LAMB1: variants seen among roughly 807,000 people sequenced by gnomAD.
LAMB1 encodes laminin subunit beta 1, also known as laminin subunit beta-1.
Under a neutral mutation model 222.3 loss-of-function variants are expected in LAMB1, and 121 were observed. That is an observed-to-expected ratio of 0.54 (90% CI 0.47 to 0.63). The LOEUF is 0.63. LAMB1 is among the 30% of genes least tolerant of loss of function. LAMB1 has a pLI of 0.00. For synonymous variants in LAMB1, 794 were observed against 807.2 expected (o/e 0.98, Z 0.28); for missense variants, 2,172 against 2,240.8 (o/e 0.97, Z 0.62).
chr7:107,945,686 T>G (rs1027571471), intron 24 of LAMB1, among the ~76,000 whole-genome samples: 1 of 152,218 alleles, frequency 6.6e-6, no homozygotes, highest in African/African-American at 2.4e-5. Flanking sequence ...TCCCTTAACC[T>G]CTCTGAGTCT....
At chr7:107,948,090 G>A (rs1378659159) in intron 24 of LAMB1, among the ~76,000 whole-genome samples, 3 of 149,776 alleles carry the variant, frequency 2.0e-5, no homozygotes, top group African/African-American at 7.4e-5. Flanking sequence ...GGGTTCAAGC[G>A]ATTCTCATGC....
rs1338812540 is a variant in LAMB1 at position 108,002,433 on chromosome 7, C to T, written c.37+416G>A. ...GAGATGGTTAATTAAAGCCACATGG[C>T]CCCCATCTGTTCCCAGAATGAAGCC... On this transcript the variant is annotated intron_variant, in intron 2 of 33. Coordinates refer to ENST00000222399, the MANE Select transcript of LAMB1 (RefSeq NM_002291.3). 11 of 1,307,478 alleles carry T rather than the reference C, an allele frequency of 8.4e-6. No individual in the cohort carries two copies. The Admixed American group carries it at 2.8e-4, about 34-fold the overall frequency. 81.0% of individuals were successfully genotyped at this position (1,307,478 alleles called of 1,614,324 possible). A position where few individuals can be genotyped will look rare whatever the true frequency, so the allele number is the denominator to read the frequency against.
At chr7:107,997,042 A>G (rs1045484507) in intron 4 of LAMB1, among the ~76,000 whole-genome samples, 3 of 152,236 alleles carry the variant, frequency 2.0e-5, no homozygotes, top group East Asian at 1.9e-4. Context: ...TGATGACCCA[A>G]TGAAGTTTGT....
At chr7:107,929,384 G>GAT (rs1562973239) in intron 30 of LAMB1, 28 bp downstream of exon 30, 1 of 1,585,252 alleles carries the variant, frequency 6.3e-7, no homozygotes, top group African/African-American at 1.3e-5. Flanking sequence ...CACAAAATAA[G>GAT]CCCCTTAGAT....
Position 107,952,109 on chromosome 7 carries a change from C to T in LAMB1, c.3194G>A (p.Cys1065Tyr). The change falls in exon 23 of 34, where the codon TGT (cysteine) becomes TAT (tyrosine). Residue 1065 changes from cysteine (C) to tyrosine (Y), a missense_variant. Cys to Tyr is a radical substitution (Grantham distance 194). Coordinates refer to ENST00000222399, the MANE Select transcript of LAMB1 (RefSeq NM_002291.3). ...CCAGGTATTGGGCGCACAGCGGTCA[C>T]AGTTCTGCCCGATCACATTAGGAAG... The part of the protein sequence containing the change: ...LCLPNVIGQN[C>Y]DRCAPNTWQL... 1 of 1,614,086 alleles carries T rather than the reference C, an allele frequency of 6.2e-7. No individual in the cohort carries two copies. Among genetic ancestry groups the T allele is most frequent in the South Asian group, 1.1e-5 (1 of 91,026 alleles).
At position 107,977,633 on chromosome 7, in the gene LAMB1, C is replaced by CA. The variant is rs1220273315; in HGVS notation, c.1000+413dup. On this transcript the variant is annotated intron_variant, in intron 9 of 33. Coordinates refer to ENST00000222399, the MANE Select transcript of LAMB1 (RefSeq NM_002291.3). ...TGAAACCTCTCCTCTACTAAAATTA[C>CA]AAAAAAAATTAGCAGGGCATGGTGG... Among the ~76,000 whole-genome samples, 15 of 151,746 alleles carry CA rather than the reference C, an allele frequency of 9.9e-5. No individual in the cohort carries two copies. In the East Asian group the frequency reaches 2.1e-3, roughly 22 times the overall value.
chr7:107,987,098 G>A (rs770713215), intron 5 of LAMB1, among the ~76,000 whole-genome samples: 12 of 152,174 alleles, frequency 7.9e-5, no homozygotes, highest in Non-Finnish European at 1.8e-4. Context: ...ATATATACAT[G>A]CTGTGAAATA....
chr7:107,978,769 G>A (rs939944836), intron 8 of LAMB1, among the ~76,000 whole-genome samples: 3 of 151,902 alleles, frequency 2.0e-5, no homozygotes, highest in African/African-American at 4.8e-5. Context: ...ATAAGATCTC[G>A]TAAAAGAAAT....
rs1284140591 is a variant in LAMB1, at chr7:107,962,109, TCTTA to T, written c.1858-437_1858-434del. On this transcript the variant is annotated intron_variant, in intron 15 of 33. Coordinates refer to ENST00000222399, the MANE Select transcript of LAMB1 (RefSeq NM_002291.3). Reference sequence around the variant, plus strand: ...TCTTCTCTCTTCCACTCACACTATTTCTTACTTTTGTGCCAACTTTCCACAATTC... The same window carrying T: ...TCTTCTCTCTTCCACTCACACTATTTCTTTTGTGCCAACTTTCCACAATTC... Among the ~76,000 whole-genome samples, 6 of 152,326 alleles carry T rather than the reference TCTTA, an allele frequency of 3.9e-5. 1 individual carries two copies. The East Asian group carries it at 9.6e-4, about 24-fold the overall frequency.
At chr7:107,985,954 T>C in intron 7 of LAMB1, 68 bp downstream of exon 7, 1 of 1,263,360 alleles carries the variant, frequency 7.9e-7, no homozygotes, top group South Asian at 1.3e-5. Flanking sequence ...CGGAACTCTG[T>C]CTCAAAAAAC....
At chr7:107,924,681 T>A (rs1406642001) in intron 32 of LAMB1, among the ~76,000 whole-genome samples, 2 of 152,184 alleles carry the variant, frequency 1.3e-5, no homozygotes, top group Non-Finnish European at 2.9e-5. Flanking sequence ...TATTGCAAAT[T>A]ACATAGAGAA....
At chr7:107,965,298 G>A (rs192612165) in intron 13 of LAMB1, among the ~76,000 whole-genome samples, 34 of 152,302 alleles carry the variant, frequency 2.2e-4, no homozygotes, top group East Asian at 3.9e-4. Context: ...TAAGAAATGC[G>A]GCTGGGCACG....
intron 1 of LAMB1, 67 bp downstream of exon 1, chr7:108,003,044 G>T (rs183537453): frequency 3.1e-5 from 44 of 1,429,570 alleles, no homozygotes; most frequent in Middle Eastern, 2.5e-4. Flanking sequence ...ATTTCCTGTC[G>T]CTCCCACGGA....
chr7:107,946,571 G>T (rs2033119874), intron 24 of LAMB1, among the ~76,000 whole-genome samples: 1 of 152,252 alleles, frequency 6.6e-6, no homozygotes, highest in East Asian at 1.9e-4. Flanking sequence ...ATCGGCAGGG[G>T]GCTGGATTTG....
chr7:107,956,781 T>G (rs2033387009), intron 20 of LAMB1, among the ~76,000 whole-genome samples: 1 of 152,180 alleles, frequency 6.6e-6, no homozygotes, highest in Non-Finnish European at 1.5e-5. Context: ...GCCCCTGTGT[T>G]TGTCTCTCAG....
At chr7:107,993,553 A>G (rs1482629359) in intron 5 of LAMB1, among the ~76,000 whole-genome samples, 2 of 152,236 alleles carry the variant, frequency 1.3e-5, no homozygotes, top group African/African-American at 4.8e-5. Flanking sequence ...ATTCAACTAC[A>G]AAACATGTGC....
At chr7:107,985,746 T>C (rs905781258) in intron 7 of LAMB1, among the ~76,000 whole-genome samples, 4 of 151,746 alleles carry the variant, frequency 2.6e-5, no homozygotes, top group African/African-American at 7.3e-5. Flanking sequence ...TCACCCGAGG[T>C]TGGGAGTTCA....
At chr7:107,971,201 T>G (rs1378184109) in intron 13 of LAMB1, among the ~76,000 whole-genome samples, 1 of 152,220 alleles carries the variant, frequency 6.6e-6, no homozygotes, top group African/African-American at 2.4e-5. Context: ...ACAAAGTAAC[T>G]AAGGAGTGTC....
intron 7 of LAMB1, among the ~76,000 whole-genome samples, chr7:107,982,019 TAGTATTAGG>T (rs1314215089): frequency 2.0e-5 from 3 of 152,212 alleles, no homozygotes; most frequent in African/African-American, 7.2e-5. Context: ...TAAATAAGCT[TAGTATTAGG>T]ATGTGGGGCA....
Sources: allele counts gnomAD v4.1 joint callset (sites outside exome capture counted in the v4.1 genomes callset), GRCh38; gene constraint gnomAD v4.1.1; transcripts MANE v1.5; gene names NCBI Gene and HGNC (gene_info 2026-07-23, HGNC 2026-07-21).